Variants in DRC1 observed in about 807,000 individuals in gnomAD.
DRC1 encodes the protein dynein regulatory complex protein 1.
Under a neutral mutation model 98.7 loss-of-function variants are expected in DRC1, and 74 were observed. The observed-to-expected ratio is 0.75, with a 90% CI of 0.62 to 0.91. The LOEUF (loss-of-function observed/expected upper bound fraction) is 0.91, where lower values mean the gene tolerates loss of function less well. Ranked by LOEUF, DRC1 falls within the 40% of genes least tolerant of loss-of-function variation. The pLI, the probability that DRC1 is intolerant of heterozygous loss-of-function variation, is 0.00. For missense variants in DRC1, 875 were observed against 886.0 expected (o/e 0.99, Z 0.16); for synonymous variants, 336 against 334.1 (o/e 1.01, Z -0.06).
intron 7 of DRC1, among the ~76,000 whole-genome samples, chr2:26,434,024 T>C (rs1663503971): frequency 6.6e-6 from 1 of 152,226 alleles, no homozygotes; most frequent in African/African-American, 2.4e-5. Context: ...AAGTGTATTT[T>C]CACTAGACAT....
At chr2:26,440,861 T>A (rs1273497722) in intron 8 of DRC1, among the ~76,000 whole-genome samples, 1 of 152,198 alleles carries the variant, frequency 6.6e-6, no homozygotes. Context: ...CTCCTGTATA[T>A]CTTGAAGGCC....
intron 4 of DRC1, among the ~76,000 whole-genome samples, chr2:26,428,972 G>T (rs532652863): frequency 6.6e-6 from 1 of 152,066 alleles, no homozygotes; most frequent in African/African-American, 2.4e-5. Context: ...ATATGTTCTC[G>T]TGTTGGAACC....
At chr2:26,443,503 AC>A (rs1402522470) in intron 8 of DRC1, among the ~76,000 whole-genome samples, 2 of 152,082 alleles carry the variant, frequency 1.3e-5, no homozygotes, top group African/African-American at 4.8e-5. Context: ...TAGATGCCTC[AC>A]CTCTGGGCTC....
At chr2:26,413,803 T>C (rs1424530169) in intron 1 of DRC1, among the ~76,000 whole-genome samples, 1 of 152,168 alleles carries the variant, frequency 6.6e-6, no homozygotes. Flanking sequence ...GTAAAATCTT[T>C]TAATCTTTTT....
rs181263367 is a variant in DRC1, at chr2:26,411,677, G to A, written c.156-2667G>A. On this transcript the variant is annotated intron_variant, in intron 1 of 16. Transcript: ENST00000288710. Reference sequence around the variant, plus strand: ...CTGGGTGTGGTGGTGCGTGTTTGTCGTCCCAGCTACTCGGGAGACTGAGTC... The same window carrying A: ...CTGGGTGTGGTGGTGCGTGTTTGTCATCCCAGCTACTCGGGAGACTGAGTC... 2.3e-4 allele frequency among the ~76,000 whole-genome samples: 35 copies of A among 152,186 alleles called. 1 individual carries two copies. The highest frequency in any genetic ancestry group is 3.6e-4 in the African/African-American group (15 of 41,530).
intron 3 of DRC1, 81 bp from the exon 4 acceptor site, chr2:26,424,190 A>G: frequency 1.3e-6 from 2 of 1,536,402 alleles, no homozygotes; most frequent in East Asian, 4.5e-5. Context: ...TATATTCTAG[A>G]GATTCTAGAG....
intron 7 of DRC1, among the ~76,000 whole-genome samples, chr2:26,436,226 T>C (rs1663568107): frequency 6.6e-6 from 1 of 152,180 alleles, no homozygotes; most frequent in African/African-American, 2.4e-5. Flanking sequence ...TTAGTGATGC[T>C]GATCATTTTG....
chr2:26,445,080 C>T, intron 10 of DRC1, 132 bp downstream of exon 10: 2 of 981,104 alleles, frequency 2.0e-6, no homozygotes, highest in Non-Finnish European at 2.9e-6. Flanking sequence ...TTTTAAGTCT[C>T]CTCTAATTTA....
chr2:26,405,412 T>C (rs1293157808), intron 1 of DRC1, among the ~76,000 whole-genome samples: 2 of 152,022 alleles, frequency 1.3e-5, no homozygotes, highest in Non-Finnish European at 2.9e-5. Flanking sequence ...TGGGAAAAAA[T>C]AAAGTGCAAC....
In DRC1 at chr2:26,428,360, AACC is replaced by A. The variant is rs1663337570; in HGVS notation, c.541-1267_541-1265del. ...GTGCTTACACAAACCTAGATGGTAT[AACC>A]TACTACACACCTAGGGTATATGATA... On this transcript the variant is annotated intron_variant, in intron 4 of 16. Coordinates refer to ENST00000288710, the MANE Select transcript of DRC1 (RefSeq NM_145038.5). Among the ~76,000 whole-genome samples the A allele has an allele frequency of 2.0e-5, 3 of 152,368 alleles. No homozygotes were observed. The South Asian group carries it at 6.2e-4, about 32-fold the overall frequency.
chr2:26,406,813 CTTTTTTTTTT>C (rs5830010), intron 1 of DRC1, among the ~76,000 whole-genome samples: 12 of 101,602 alleles, frequency 1.2e-4, no homozygotes, highest in East Asian at 2.4e-4. Context: ...TGTCACTTTC[CTTTTTTTTTT>C]TTTTTTTTTT....
At chr2:26,421,254 C>A (rs753766730) in intron 2 of DRC1, 34 bp from the exon 3 acceptor site, 1 of 1,581,346 alleles carries the variant, frequency 6.3e-7, no homozygotes, top group Non-Finnish European at 8.7e-7. Flanking sequence ...ACAAAGTGTT[C>A]TAGCTTTGTA....
At chr2:26,438,343 T>C (rs1194968666) in intron 7 of DRC1, among the ~76,000 whole-genome samples, 8 of 152,156 alleles carry the variant, frequency 5.3e-5, no homozygotes, top group African/African-American at 1.7e-4. Context: ...TGCTGTACTT[T>C]CCAAATTTTC....
intron 1 of DRC1, among the ~76,000 whole-genome samples, chr2:26,412,506 C>T (rs770204366): frequency 9.2e-5 from 14 of 152,076 alleles, no homozygotes; most frequent in South Asian, 4.1e-4. Context: ...ATGTAAGTGG[C>T]GTGGGGGTTG....
intron 8 of DRC1, among the ~76,000 whole-genome samples, chr2:26,441,258 C>T (rs1407754448): frequency 6.6e-6 from 1 of 152,166 alleles, no homozygotes; most frequent in Non-Finnish European, 1.5e-5. Flanking sequence ...TGGGGATTTC[C>T]CTCCAAACCC....
chr2:26,411,452 A>C (rs1301171373), intron 1 of DRC1, among the ~76,000 whole-genome samples: 3 of 152,230 alleles, frequency 2.0e-5, no homozygotes. Flanking sequence ...TTCAATTTGC[A>C]CCAGGCACAT....
intron 3 of DRC1, among the ~76,000 whole-genome samples, chr2:26,422,167 A>G (rs1663164012): frequency 6.6e-6 from 1 of 152,206 alleles, no homozygotes; most frequent in South Asian, 2.1e-4. Flanking sequence ...CATTTTAGGC[A>G]GAGGGAACAC....
intron 8 of DRC1, 22 bp from the exon 9 acceptor site, chr2:26,444,200 A>C: frequency 6.2e-7 from 1 of 1,613,930 alleles, no homozygotes; most frequent in South Asian, 1.1e-5. Context: ...GCTGCAGACT[A>C]ACCTTTTTCT....
chr2:26,450,656 C>G lies in DRC1; in HGVS notation c.1664C>G (p.Ala555Gly). ...KLVNFFLKYR[A>G]HRLSSSLQIK... ...GTGAACTTCTTCCTTAAATATCGAG[C>G]TCACCGTTTATCTTCCAGCCTCCAG... The change falls in exon 13 of 17, where the codon GCT becomes GGT. Residue 555 changes from alanine (A) to glycine (G), a missense_variant. Physicochemically the swap from Ala to Gly is moderately conservative, Grantham distance 60. Coordinates refer to ENST00000288710, the MANE Select transcript of DRC1 (RefSeq NM_145038.5). 1 of 1,607,462 alleles carries G rather than the reference C, an allele frequency of 6.2e-7. No homozygotes were observed. Among genetic ancestry groups the G allele is most frequent in the Non-Finnish European group, 8.5e-7 (1 of 1,177,216 alleles).
Sources: allele counts gnomAD v4.1 joint callset (sites outside exome capture counted in the v4.1 genomes callset), GRCh38; gene constraint gnomAD v4.1.1; transcripts MANE v1.5; gene names NCBI Gene and HGNC (gene_info 2026-07-23, HGNC 2026-07-21).